The following ASIC2 variants were observed in gnomAD, a reference collection of about 807,000 sequenced individuals.
The protein encoded by ASIC2 is acid-sensing ion channel 2.
A neutral mutation model predicts 57.3 loss-of-function variants in ASIC2; 25 were observed. That is an observed-to-expected ratio of 0.44 (90% CI 0.32 to 0.61). ASIC2 has a LOEUF of 0.61. ASIC2 is among the 20% of genes least tolerant of loss of function. The pLI, the probability that ASIC2 is intolerant of heterozygous loss-of-function variation, is 0.06. For missense variants in ASIC2, 641 were observed against 738.1 expected (o/e 0.87, Z 1.52); for synonymous variants, 319 against 307.5 (o/e 1.04, Z -0.39).
At chr17:34,039,575 G>A in intron 1 of ASIC2, 2 of 1,613,910 alleles carry the variant, frequency 1.2e-6, no homozygotes, top group Non-Finnish European at 1.7e-6. Flanking sequence ...CTTCTGCCAG[G>A]GCTGGTTCCC....
At chr17:33,819,271 C>A (rs978248580) in intron 1 of ASIC2, among the ~76,000 whole-genome samples, 4 of 152,166 alleles carry the variant, frequency 2.6e-5, no homozygotes, top group African/African-American at 9.7e-5. Context: ...AGAAATTAAC[C>A]TTTAGCTTAA....
intron 1 of ASIC2, among the ~76,000 whole-genome samples, chr17:33,905,554 C>T (rs1271395146): frequency 3.3e-5 from 5 of 152,060 alleles, no homozygotes; most frequent in South Asian, 2.1e-4. Flanking sequence ...GAGTGATGTG[C>T]GAGGACAGAT....
intron 2 of ASIC2, among the ~76,000 whole-genome samples, chr17:33,094,188 C>T (rs560322572): frequency 3.0e-4 from 45 of 152,256 alleles, no homozygotes; most frequent in African/African-American, 9.6e-4. Context: ...GGCTTGGGAT[C>T]AGTTAATGGT....
At chr17:33,888,700 C>T (rs66635051) in intron 1 of ASIC2, among the ~76,000 whole-genome samples, 19,618 of 151,988 alleles carry the variant, frequency 0.13, 1,328 homozygotes, top group South Asian at 0.2. Flanking sequence ...GTAGGTGCCC[C>T]TGGATGAGAA....
chr17:33,680,556 GAA>G (rs1474465694), intron 1 of ASIC2: 2 of 152,222 alleles, frequency 1.3e-5, no homozygotes, highest in Non-Finnish European at 2.9e-5. Context: ...TGTACTAGAG[GAA>G]GTTTCCAAAG....
intron 1 of ASIC2, among the ~76,000 whole-genome samples, chr17:33,263,096 A>C (rs545258317): frequency 7.1e-4 from 108 of 152,338 alleles, no homozygotes; most frequent in African/African-American, 2.5e-3. Flanking sequence ...AGGGAAGGGC[A>C]TCTGTTTGTT....
intron 1 of ASIC2, among the ~76,000 whole-genome samples, chr17:34,067,963 A>C (rs767788463): frequency 1.2e-4 from 19 of 152,222 alleles, no homozygotes; most frequent in Non-Finnish European, 2.4e-4. Flanking sequence ...GTTTATCTGA[A>C]GACATCCATT....
At chr17:33,755,078 C>G (rs1238379281) in intron 1 of ASIC2, among the ~76,000 whole-genome samples, 1 of 151,072 alleles carries the variant, frequency 6.6e-6, no homozygotes, top group Non-Finnish European at 1.5e-5. Context: ...CGGGATTATT[C>G]TGGATTATTC....
chr17:33,073,593 T>A (rs2092077957), intron 3 of ASIC2, among the ~76,000 whole-genome samples: 1 of 152,082 alleles, frequency 6.6e-6, no homozygotes, highest in Non-Finnish European at 1.5e-5. Context: ...ACAATGGGGA[T>A]CCCGAGAGAC....
At chr17:33,245,201 A>G (rs2142124629) in intron 1 of ASIC2, among the ~76,000 whole-genome samples, 1 of 152,314 alleles carries the variant, frequency 6.6e-6, no homozygotes, top group South Asian at 2.1e-4. Context: ...TCACAGGGAC[A>G]TGGCTGCTGT....
chr17:33,135,556 T>C (rs1185842012), intron 1 of ASIC2, among the ~76,000 whole-genome samples: 1 of 152,202 alleles, frequency 6.6e-6, no homozygotes, highest in Non-Finnish European at 1.5e-5. Context: ...CAATCAATGT[T>C]ACTGTATTGA....
intron 1 of ASIC2, among the ~76,000 whole-genome samples, chr17:33,757,006 C>A (rs2142109275): frequency 6.6e-6 from 1 of 152,296 alleles, no homozygotes; most frequent in South Asian, 2.1e-4. Context: ...TTGGTGGCTG[C>A]CAGCATTCCT....
intron 3 of ASIC2, among the ~76,000 whole-genome samples, chr17:33,070,916 T>G (rs2092066466): frequency 6.6e-6 from 1 of 152,138 alleles, no homozygotes; most frequent in South Asian, 2.1e-4. Flanking sequence ...CTTCCAATAC[T>G]TGACAGATAT....
chr17:33,252,022 T>C lies in ASIC2; in HGVS notation c.708+39386A>G, dbSNP rs936636541. ...GGTACTATCATGTCCGTTTTTCAGA[T>C]AGGAGAATTGAGGTTTGGAGAGATG... On this transcript the variant is annotated intron_variant, in intron 1 of 9. Transcript: ENST00000225823. Among the ~76,000 whole-genome samples the C allele has an allele frequency of 2.6e-5, 4 of 152,136 alleles. 1 individual carries two copies. Among genetic ancestry groups the C allele is most frequent in the South Asian group, 4.2e-4 (2 of 4,812 alleles).
chr17:33,251,037 A>C (rs1908863048), intron 1 of ASIC2, among the ~76,000 whole-genome samples: 1 of 152,240 alleles, frequency 6.6e-6, no homozygotes, highest in Non-Finnish European at 1.5e-5. Context: ...CCTGATGTCA[A>C]ATTCGCTGCA....
intron 3 of ASIC2, among the ~76,000 whole-genome samples, chr17:33,063,528 T>A (rs1029310223): frequency 2.0e-5 from 3 of 152,210 alleles, no homozygotes; most frequent in Non-Finnish European, 4.4e-5. Flanking sequence ...TGCTGAGAGA[T>A]CAGCTGTTAG....
chr17:34,125,033 TC>T (rs1375218439), intron 1 of ASIC2, among the ~76,000 whole-genome samples: 1 of 150,814 alleles, frequency 6.6e-6, no homozygotes, highest in Non-Finnish European at 1.5e-5. Context: ...GTAGTGCCTT[TC>T]CTTCCCTATT....
intron 1 of ASIC2, among the ~76,000 whole-genome samples, chr17:33,877,548 G>T: frequency 6.6e-6 from 1 of 151,928 alleles, no homozygotes; most frequent in East Asian, 1.9e-4. Context: ...GATCAAACTG[G>T]TGAGGCTGGG....
rs549603729 is a variant in ASIC2 at position 33,439,037 on chromosome 17, T to TCTC, written c.556-326973_556-326971dup. The stretch of plus-strand genomic sequence containing the variant: ...TTTTGTATTTTTAGTAGAGAAGAGG[T>TCTC]CTCGCTATGTTGCCCAGGCTGGTCT... On this transcript the variant is annotated intron_variant, in intron 1 of 9. Transcript: ENST00000359872. Among the ~76,000 whole-genome samples the TCTC allele has an allele frequency of 1.8e-4, 28 of 152,146 alleles. No individual in the cohort carries two copies. In the South Asian group the frequency reaches 3.3e-3, roughly 18 times the overall value.
Sources: gnomAD v4.1 joint callset for allele counts (sites outside exome capture counted in the v4.1 genomes callset) on GRCh38, gnomAD v4.1.1 for gene constraint, MANE v1.5 for transcripts, NCBI Gene and HGNC (gene_info 2026-07-23, HGNC 2026-07-21) for gene names.